Variants in A1CF observed in about 807,000 individuals in gnomAD.
The protein encoded by A1CF is APOBEC1 complementation factor, also known as APOBEC-1 stimulating protein.
A1CF carries 48 observed loss-of-function variants against 68.9 expected under a neutral mutation model. The observed-to-expected ratio is 0.70, with a 90% confidence interval of 0.55 to 0.89. A1CF has a LOEUF of 0.89. Ranked by LOEUF, A1CF falls within the 40% of genes least tolerant of loss-of-function variation. The pLI, the probability that A1CF is intolerant of heterozygous loss-of-function variation, is 0.00. For missense variants in A1CF, 653 were observed against 718.9 expected (o/e 0.91, Z 1.05); for synonymous variants, 272 against 260.4 (o/e 1.04, Z -0.43).
intron 7 of A1CF, among the ~76,000 whole-genome samples, chr10:50,827,118 C>A (rs1838980845): frequency 6.6e-6 from 1 of 152,098 alleles, no homozygotes; most frequent in Non-Finnish European, 1.5e-5. Context: ...TACAGGAGTA[C>A]CCAGAGTCAT....
chr10:50,850,096 G>GA, intron 3 of A1CF, among the ~76,000 whole-genome samples: 1 of 152,212 alleles, frequency 6.6e-6, no homozygotes, highest in East Asian at 1.9e-4. Context: ...CTTGGCTCTT[G>GA]ACTTTCATTT....
chr10:50,882,851 A>G (rs1483606192), intron 1 of A1CF, among the ~76,000 whole-genome samples: 1 of 152,220 alleles, frequency 6.6e-6, no homozygotes, highest in African/African-American at 2.4e-5. Context: ...AAGGGATGAC[A>G]ATTTTTAAAA....
At chr10:50,808,880 A>G (rs1362478320) in intron 12 of A1CF, among the ~76,000 whole-genome samples, 1 of 152,124 alleles carries the variant, frequency 6.6e-6, no homozygotes, top group Admixed American at 6.5e-5. Flanking sequence ...TGGCCAATAT[A>G]TGAATTAATT....
chr10:50,874,425 G>A (rs1447087950), intron 1 of A1CF, among the ~76,000 whole-genome samples: 2 of 152,026 alleles, frequency 1.3e-5, no homozygotes, highest in African/African-American at 4.8e-5. Flanking sequence ...TGTTAAAAAT[G>A]CCCTTTAAAT....
rs1841577109 is a variant in A1CF at position 50,877,769 on chromosome 10, A to G, written c.-94+7812T>C. The stretch of plus-strand genomic sequence containing the variant: ...CTGATAATTACCCAGTTTCCTTCAA[A>G]TCATTCTCTACTAATTTAGAAGACC... On this transcript the variant is annotated intron_variant, in intron 1 of 12. Coordinates refer to ENST00000373997, the MANE Select transcript of A1CF (RefSeq NM_014576.4). 3.3e-5 allele frequency among the ~76,000 whole-genome samples: 5 copies of G among 152,174 alleles called. No homozygotes were observed. The South Asian group carries it at 1.0e-3, about 31-fold the overall frequency.
rs1838017967 is a variant in A1CF at position 50,809,931 on chromosome 10, G to T, written c.1572C>A (p.Thr524=). ...TAGCAGCAGCAGCAGCAGTAGCCATGGTGCCATCGCCTCCATCAGTGGGGA... is the reference window on the plus strand; with the variant it reads ...TAGCAGCAGCAGCAGCAGTAGCCATTGTGCCATCGCCTCCATCAGTGGGGA... ...LGIPTDGGDG[T]MATAAAAATA... is the part of the protein sequence containing the mutation. Residue 524 remains threonine (T), a synonymous_variant, in exon 12 of 13, where the codon ACC becomes ACA. Coordinates refer to ENST00000373997, the MANE Select transcript of A1CF (RefSeq NM_014576.4). The T allele has an allele frequency of 1.2e-6, 2 of 1,614,026 alleles. No homozygotes were observed. The highest frequency in any genetic ancestry group is 4.5e-5 in the East Asian group (2 of 44,860).
At chr10:50,864,537 A>G (rs953260640) in intron 1 of A1CF, among the ~76,000 whole-genome samples, 1 of 130,628 alleles carries the variant, frequency 7.7e-6, no homozygotes, top group African/African-American at 2.5e-5. Context: ...CCTCTCAGAC[A>G]CTGTGTTTTT....
rs1841150999 is a variant in A1CF at position 50,869,482 on chromosome 10, G to A, written c.-93-5402C>T. The stretch of plus-strand genomic sequence containing the variant: ...GCTCTTTTATATTGCCTTACTAATG[G>A]ATCCAGTTATTTCATTTATCTTTGT... On this transcript the variant is annotated intron_variant, in intron 1 of 12. Transcript: ENST00000373997. Among the ~76,000 whole-genome samples the A allele has an allele frequency of 2.0e-5, 3 of 151,996 alleles. No homozygotes were observed. The South Asian group carries it at 6.2e-4, about 32-fold the overall frequency.
chr10:50,838,355 A>C (rs1273124867), intron 5 of A1CF, among the ~76,000 whole-genome samples: 1 of 152,188 alleles, frequency 6.6e-6, no homozygotes, highest in Non-Finnish European at 1.5e-5. Context: ...GAAGGGTTGA[A>C]AAAATAATCT....
At chr10:50,865,496 T>A (rs1840946711) in intron 1 of A1CF, among the ~76,000 whole-genome samples, 1 of 152,142 alleles carries the variant, frequency 6.6e-6, no homozygotes, top group Admixed American at 6.6e-5. Flanking sequence ...TAATTATCAA[T>A]CTCTAACTCC....
In A1CF at chr10:50,855,288, A is replaced by C. The variant is rs111724731; in HGVS notation, c.99+4554T>G. Among the ~76,000 whole-genome samples the C allele has an allele frequency of 2.0e-3, 306 of 152,044 alleles. 1 individual carries two copies. Among genetic ancestry groups the C allele is most frequent in the African/African-American group, 7.2e-3 (298 of 41,540 alleles). On this transcript the variant is annotated intron_variant, in intron 3 of 12. Coordinates refer to ENST00000373997, the MANE Select transcript of A1CF (RefSeq NM_014576.4). ...GCTAGCTTTCGAAATCAGGAAGTAC[A>C]GTTAAGAATAAAAAAGTAGAGAAAA...
intron 3 of A1CF, among the ~76,000 whole-genome samples, chr10:50,858,563 A>C (rs558477355): frequency 2.6e-5 from 4 of 152,294 alleles, no homozygotes; most frequent in Admixed American, 2.6e-4. Context: ...CAGAAAAGGA[A>C]CACTCATATA....
intron 12 of A1CF, 78 bp downstream of exon 12, chr10:50,809,816 C>T (rs772494907): frequency 6.3e-7 from 1 of 1,577,474 alleles, no homozygotes; most frequent in Non-Finnish European, 8.6e-7. Flanking sequence ...ACAAACATTT[C>T]TGTGATTCAA....
At chr10:50,855,146 T>C (rs1446861298) in intron 3 of A1CF, among the ~76,000 whole-genome samples, 2 of 151,774 alleles carry the variant, frequency 1.3e-5, no homozygotes, top group African/African-American at 4.8e-5. Context: ...AAGGAGAAAA[T>C]TTCAGGTGAG....
In A1CF at chr10:50,810,038, G is replaced by T. The variant is rs749597166; in HGVS notation, c.1465C>A (p.Pro489Thr). ...GCACTCAGCTTTGGAGGTGTGAAAGGGTGGCTGGAAAGCAAGTCAGTCAGG... is the reference window on the plus strand; with the variant it reads ...GCACTCAGCTTTGGAGGTGTGAAAGTGTGGCTGGAAAGCAAGTCAGTCAGG... The part of the protein sequence containing the change: ...ALASQNPAIH[P>T]FTPPKLSAFV... Residue 489 changes from proline to threonine, a missense_variant, in exon 12 of 13, where the codon CCT becomes ACT. Transcript: ENST00000373997. The T allele has an allele frequency of 1.2e-6, 2 of 1,613,768 alleles. No individual in the cohort carries two copies. Among genetic ancestry groups the T allele is most frequent in the East Asian group, 4.5e-5 (2 of 44,854 alleles).
chr10:50,809,852 T>C (rs1335245742), intron 12 of A1CF, 42 bp downstream of exon 12: 1 of 1,611,080 alleles, frequency 6.2e-7, no homozygotes, highest in Non-Finnish European at 8.5e-7. Context: ...GTTTCCCAAA[T>C]ACTCTCTGCA....
chr10:50,882,815 G>A (rs1841842173), intron 1 of A1CF, among the ~76,000 whole-genome samples: 1 of 152,154 alleles, frequency 6.6e-6, no homozygotes, highest in Admixed American at 6.5e-5. Flanking sequence ...TTGTGCAATA[G>A]TACCCACAGT....
intron 1 of A1CF, among the ~76,000 whole-genome samples, chr10:50,868,125 G>C (rs1334447925): frequency 6.6e-6 from 1 of 152,154 alleles, no homozygotes; most frequent in African/African-American, 2.4e-5. Context: ...GTTGTGCCTT[G>C]ACATTACATG....
intron 1 of A1CF, among the ~76,000 whole-genome samples, chr10:50,865,318 T>A (rs1279881500): frequency 3.3e-5 from 5 of 151,240 alleles, no homozygotes; most frequent in African/African-American, 1.2e-4. Context: ...CTACTACTAC[T>A]AAAATAAATA....
Sources: gnomAD v4.1 joint callset for allele counts (sites outside exome capture counted in the v4.1 genomes callset) on GRCh38, gnomAD v4.1.1 for gene constraint, MANE v1.5 for transcripts, NCBI Gene and HGNC (gene_info 2026-07-23, HGNC 2026-07-21) for gene names.